The following RNF149 variants were observed in gnomAD, a reference collection of about 807,000 sequenced individuals.
RNF149 encodes the protein ring finger protein 149.
In RNF149, 21 loss-of-function variants were observed where a neutral mutation model predicts 39.0. The ratio of observed to expected loss-of-function variants is 0.54; its 90% CI spans 0.38 to 0.77. RNF149 has a LOEUF of 0.77. Among genes scored for constraint, RNF149 ranks in the 30% least tolerant of loss-of-function variants. The probability of loss-of-function intolerance (pLI) is 0.00; values close to 1 mark genes in which losing one functional copy is unlikely to be tolerated. For synonymous variants in RNF149, 209 were observed against 213.6 expected, an observed-to-expected ratio of 0.98 and a Z score of 0.19; for missense variants, 493 against 534.9, an observed-to-expected ratio of 0.92 and a Z score of 0.77.
At chr2:101,297,951 T>C (rs72823000) in intron 1 of RNF149, among the ~76,000 whole-genome samples, 22,306 of 152,222 alleles carry the variant, frequency 0.15, 1,885 homozygotes, top group Middle Eastern at 0.28. Flanking sequence ...TGATACACTA[T>C]ACTGGCAAAA....
rs745681216 is a variant in RNF149, at chr2:101,293,976, TA to T, written c.780+37del. On this transcript the variant is annotated intron_variant, in intron 3 of 6. Transcript: ENST00000295317. ...AACACGTACAGCATATTCTCTACTC[TA>T]AACCACAAAACAAAAGAAAAACCAT... 2.4e-6 allele frequency: 3 copies of T among 1,268,374 alleles called. No individual in the cohort carries two copies. The Admixed American group carries it at 5.7e-5, about 24-fold the overall frequency. The allele number at this position is 1,268,374 out of a possible 1,614,324, so 78.6% of individuals were successfully genotyped here. A position where few individuals can be genotyped will look rare whatever the true frequency, so the allele number is the denominator to read the frequency against.
intron 1 of RNF149, among the ~76,000 whole-genome samples, chr2:101,303,069 T>C (rs1573263903): frequency 6.6e-6 from 1 of 151,910 alleles, no homozygotes; most frequent in East Asian, 1.9e-4. Context: ...AATCCCACCC[T>C]CTGTGAGGCT....
intron 6 of RNF149, among the ~76,000 whole-genome samples, chr2:101,280,215 T>TGAC (rs1682527313): frequency 2.6e-5 from 4 of 151,578 alleles, no homozygotes; most frequent in Admixed American, 2.6e-4. Context: ...ATGATGATGA[T>TGAC]GATAATGTAG....
chr2:101,286,161 T>G lies in RNF149; in HGVS notation c.880A>C (p.Ile294Leu), dbSNP rs1367345812. 2 of 1,602,378 alleles carry G rather than the reference T, an allele frequency of 1.2e-6. No homozygotes were observed. The highest frequency in any genetic ancestry group is 1.7e-6 in the Non-Finnish European group (2 of 1,170,136). ...TCCAAAAGCCATGGGTCAATGCATA[T>G]TCTATGAAAAATATGCCTAAAAAGA... The part of the protein sequence containing the change: ...ILPCKHIFHR[I>L]CIDPWLLDHR... Residue 294 changes from isoleucine to leucine, a missense_variant, in exon 5 of 7, where the codon ATA (isoleucine) becomes CTA (leucine). Physicochemically the swap from Ile to Leu is conservative, Grantham distance 5. Coordinates refer to ENST00000295317, the MANE Select transcript of RNF149 (RefSeq NM_173647.4).
chr2:101,288,330 C>T (rs985189917), intron 4 of RNF149, among the ~76,000 whole-genome samples: 8 of 147,780 alleles, frequency 5.4e-5, no homozygotes, highest in African/African-American at 7.5e-5. Flanking sequence ...CTGTGCCTCC[C>T]GGGTTCAAGT....
intron 4 of RNF149, among the ~76,000 whole-genome samples, chr2:101,287,466 G>A (rs916677508): frequency 1.2e-4 from 18 of 152,336 alleles, no homozygotes; most frequent in Admixed American, 7.2e-4. Context: ...AGGAGACCAC[G>A]AAATGTGCAC....
At chr2:101,278,664 A>G (rs993234659) in intron 6 of RNF149, among the ~76,000 whole-genome samples, 1 of 152,230 alleles carries the variant, frequency 6.6e-6, no homozygotes, top group Non-Finnish European at 1.5e-5. Flanking sequence ...TGACATATTC[A>G]TTTGAAGTGA....
At chr2:101,305,712 C>A (rs1170694678) in intron 1 of RNF149, among the ~76,000 whole-genome samples, 1 of 151,982 alleles carries the variant, frequency 6.6e-6, no homozygotes, top group Non-Finnish European at 1.5e-5. Flanking sequence ...GGGGTATGAA[C>A]AGGGAGGGAG....
Position 101,276,119 on chromosome 2 carries a change from CAAAGT to C in RNF149, c.*1114_*1118del, listed in dbSNP as rs1682335713. The stretch of plus-strand genomic sequence containing the variant: ...TTAAATAAACATTTATTTTTACCTA[CAAAGT>C]AAAGATATACAGAATAACTAGGAGC... On this transcript the variant is annotated 3_prime_UTR_variant, in exon 7 of 7. Coordinates refer to ENST00000295317, the MANE Select transcript of RNF149 (RefSeq NM_173647.4). 1 of 938,814 alleles carries C rather than the reference CAAAGT, an allele frequency of 1.1e-6. No homozygotes were observed. The highest frequency in any genetic ancestry group is 1.3e-6 in the Non-Finnish European group (1 of 787,662). 58.2% of individuals were successfully genotyped at this position (938,814 alleles called of 1,614,324 possible). A position where few individuals can be genotyped will look rare whatever the true frequency, so the allele number is the denominator to read the frequency against.
intron 6 of RNF149, among the ~76,000 whole-genome samples, chr2:101,278,675 G>C (rs1026103890): frequency 6.6e-6 from 1 of 152,150 alleles, no homozygotes; most frequent in Admixed American, 6.5e-5. Flanking sequence ...TTTGAAGTGA[G>C]AACATTTAAA....
At chr2:101,293,881 A>T (rs1683111522) in intron 3 of RNF149, 133 bp downstream of exon 3, 1 of 572,666 alleles carries the variant, frequency 1.7e-6, no homozygotes. Context: ...ACTAGTGGCT[A>T]CCATATTAAT....
chr2:101,300,268 G>A (rs1265689115), intron 1 of RNF149, among the ~76,000 whole-genome samples: 1 of 152,116 alleles, frequency 6.6e-6, no homozygotes, highest in African/African-American at 2.4e-5. Context: ...CAGTTTGGCT[G>A]GTGACTAAGA....
At chr2:101,287,969 A>G (rs1400989563) in intron 4 of RNF149, among the ~76,000 whole-genome samples, 1 of 152,116 alleles carries the variant, frequency 6.6e-6, no homozygotes, top group Non-Finnish European at 1.5e-5. Context: ...TAGCAAAGCA[A>G]TTCTTTTAAA....
chr2:101,294,441 T>C (rs1025322389), intron 2 of RNF149: 15 of 222,016 alleles, frequency 6.8e-5, no homozygotes, highest in African/African-American at 3.1e-4. Flanking sequence ...GGGTACCACA[T>C]GCTCATCTAT....
intron 3 of RNF149, among the ~76,000 whole-genome samples, chr2:101,289,576 G>A (rs970165564): frequency 2.0e-5 from 3 of 151,330 alleles, no homozygotes; most frequent in South Asian, 2.1e-4. Flanking sequence ...ATGGTGGCGC[G>A]TGCCTGTAGT....
intron 5 of RNF149, among the ~76,000 whole-genome samples, chr2:101,284,975 A>G (rs1253431492): frequency 6.6e-6 from 1 of 152,182 alleles, no homozygotes; most frequent in Middle Eastern, 3.4e-3. Context: ...GTTCACTACA[A>G]CCTCTGCCTC....
In RNF149 at chr2:101,276,931, C is replaced by G; in HGVS notation, c.*307G>C. 9.2e-7 allele frequency: 1 copy of G among 1,081,152 alleles called. No individual in the cohort carries two copies. Among genetic ancestry groups the G allele is most frequent in the Non-Finnish European group, 1.1e-6 (1 of 885,584 alleles). 67.0% of individuals were successfully genotyped at this position (1,081,152 alleles called of 1,614,324 possible). On this transcript the variant is annotated 3_prime_UTR_variant, in exon 7 of 7. Coordinates refer to ENST00000295317, the MANE Select transcript of RNF149 (RefSeq NM_173647.4). ...ACTGGTTTTTACAGAACCATAGCAG[C>G]CAATTATTTAGAAACACCACCTGTC...
rs574870913 is a variant in RNF149, at chr2:101,301,356, C to T, written c.461-6175G>A. 2.3e-4 allele frequency among the ~76,000 whole-genome samples: 34 copies of T among 150,080 alleles called. No individual in the cohort carries two copies. In the East Asian group the frequency reaches 6.4e-3, roughly 28 times the overall value. Reference sequence around the variant, plus strand: ...ATTTTTTTTTTTTTTGAGACAGGGTCTCACTCTGTTGCCCAGGCTGGAGTG... The same window carrying T: ...ATTTTTTTTTTTTTTGAGACAGGGTTTCACTCTGTTGCCCAGGCTGGAGTG... On this transcript the variant is annotated intron_variant, in intron 1 of 6. Transcript: ENST00000295317.
chr2:101,277,413 G>A, intron 6 of RNF149, 132 bp from the exon 7 acceptor site: 1 of 1,282,372 alleles, frequency 7.8e-7, no homozygotes, highest in African/African-American at 1.5e-5. Flanking sequence ...TTTTGAGACG[G>A]AGTCTTGTTC....
Sources: allele counts gnomAD v4.1 joint callset (sites outside exome capture counted in the v4.1 genomes callset), GRCh38; gene constraint gnomAD v4.1.1; transcripts MANE v1.5; gene names NCBI Gene and HGNC (gene_info 2026-07-23, HGNC 2026-07-21).